BAZ2B: variants seen among roughly 807,000 people sequenced by gnomAD.
The protein encoded by BAZ2B is bromodomain adjacent to zinc finger domain protein 2B.
BAZ2B carries 91 observed loss-of-function variants against 246.0 expected under a neutral mutation model. The ratio of observed to expected loss-of-function variants is 0.37; its 90% CI spans 0.31 to 0.44. The LOEUF is 0.44. Among genes scored for constraint, BAZ2B ranks in the 20% least tolerant of loss-of-function variants. The pLI is 1.00. For synonymous variants in BAZ2B, 855 were observed against 860.0 expected, an observed-to-expected ratio of 0.99 and a Z score of 0.10; for missense variants, 2,332 against 2,533.7, an observed-to-expected ratio of 0.92 and a Z score of 1.71.
rs2061144910 is a variant in BAZ2B at position 159,374,071 on chromosome 2, T to C, written c.4068+620A>G. The stretch of plus-strand genomic sequence containing the variant: ...ATGAAATTCAGTTTTTCTTAGTTTT[T>C]TTTTCTTTTTTTTTTTTTTTTAGAG... On this transcript the variant is annotated intron_variant, in intron 26 of 36. Transcript: ENST00000392783. 2.7e-5 allele frequency among the ~76,000 whole-genome samples: 3 copies of C among 109,894 alleles called. No homozygotes were observed. In the South Asian group the frequency reaches 9.5e-4, roughly 35 times the overall value. The allele number at this position is 109,894 out of a possible 152,430, so 72.1% of individuals were successfully genotyped here.
chr2:159,407,401 G>A (rs1262091611), intron 14 of BAZ2B, among the ~76,000 whole-genome samples: 3 of 152,122 alleles, frequency 2.0e-5, no homozygotes, highest in Non-Finnish European at 4.4e-5. Context: ...GATCCCGGGA[G>A]GAAGAGGTTG....
chr2:159,576,699 G>A (rs1480018730), intron 1 of BAZ2B, among the ~76,000 whole-genome samples: 1 of 139,616 alleles, frequency 7.2e-6, no homozygotes, highest in Non-Finnish European at 1.6e-5. Flanking sequence ...GGATCACGAG[G>A]TCGGGAGTTC....
chr2:159,703,836 G>A, the BAZ2B span, among the ~76,000 whole-genome samples: 1 of 152,122 alleles, frequency 6.6e-6, no homozygotes, highest in African/African-American at 2.4e-5. Flanking sequence ...CTGTACTCCA[G>A]CCTGGTCAAC....
intron 2 of BAZ2B, among the ~76,000 whole-genome samples, chr2:159,529,398 CT>C (rs1306821320): frequency 6.6e-6 from 1 of 151,988 alleles, no homozygotes; most frequent in Non-Finnish European, 1.5e-5. Context: ...TGCTCACCAA[CT>C]CTAGCCATCC....
rs928541221 is a variant in BAZ2B, at chr2:159,382,413, T to C, written c.4005+146A>G. On this transcript the variant is annotated intron_variant, in intron 25 of 36. Transcript: ENST00000392783. Reference sequence around the variant, plus strand: ...ACAAAAATCTTTATGGGATACAGATTGTAATATTTGTTTTTCAGATGAGGA... The same window carrying C: ...ACAAAAATCTTTATGGGATACAGATCGTAATATTTGTTTTTCAGATGAGGA... The C allele has an allele frequency of 5.9e-6, 5 of 844,168 alleles. No individual in the cohort carries two copies. The African/African-American group carries it at 6.9e-5, about 12-fold the overall frequency. 52.3% of individuals were successfully genotyped at this position (844,168 alleles called of 1,614,324 possible).
the BAZ2B span, among the ~76,000 whole-genome samples, chr2:159,690,680 A>G: frequency 6.6e-6 from 1 of 152,144 alleles, no homozygotes; most frequent in Non-Finnish European, 1.5e-5. Flanking sequence ...TGTGTGCCAA[A>G]AAGTTCCTAT....
intron 27 of BAZ2B, among the ~76,000 whole-genome samples, chr2:159,363,885 C>A (rs761525289): frequency 1.3e-5 from 2 of 151,976 alleles, no homozygotes; most frequent in African/African-American, 4.8e-5. Context: ...CTGGGGAGGA[C>A]GAGGGCTATT....
At chr2:159,596,279 C>T (rs182178540) in intron 1 of BAZ2B, among the ~76,000 whole-genome samples, 83 of 152,158 alleles carry the variant, frequency 5.5e-4, no homozygotes, top group African/African-American at 1.5e-3. Flanking sequence ...CTATTTTAAG[C>T]GCTTATTTAC....
intron 3 of BAZ2B, among the ~76,000 whole-genome samples, chr2:159,465,875 C>G (rs1251691379): frequency 6.6e-6 from 1 of 151,576 alleles, no homozygotes; most frequent in African/African-American, 2.4e-5. Context: ...GATTGCACCA[C>G]TGCACTCCAG....
chr2:159,580,068 G>T (rs10165041), intron 1 of BAZ2B, among the ~76,000 whole-genome samples: 3 of 152,054 alleles, frequency 2.0e-5, no homozygotes, highest in South Asian at 2.1e-4. Flanking sequence ...GTTCTGGCCA[G>T]GGCAATCAGG....
chr2:159,397,348 A>T lies in BAZ2B; in HGVS notation c.3006T>A (p.His1002Gln). The change falls in exon 19 of 37, where the codon CAT (histidine) becomes CAA (glutamine). Residue 1002 changes from histidine to glutamine, a missense_variant. Physicochemically the swap from His to Gln is conservative, Grantham distance 24 (BLOSUM62 0). Transcript: ENST00000392783. ...MRRQQAVLLK[H>Q]QERERRRQHM... Reference sequence around the variant, plus strand: ...GTATAACTATACATATACAGACCTGATGTTTCAGAAGAACAGCTTGTTGTC... The same window carrying T: ...GTATAACTATACATATACAGACCTGTTGTTTCAGAAGAACAGCTTGTTGTC... 2 of 1,548,038 alleles carry T rather than the reference A, an allele frequency of 1.3e-6. No individual in the cohort carries two copies. The highest frequency in any genetic ancestry group is 1.8e-6 in the Non-Finnish European group (2 of 1,134,368).
the BAZ2B span, among the ~76,000 whole-genome samples, chr2:159,682,613 C>T: frequency 3.3e-5 from 5 of 152,192 alleles, no homozygotes; most frequent in Admixed American, 3.3e-4. Flanking sequence ...AGATACTGTG[C>T]ACAGAAGCTC....
the BAZ2B span, among the ~76,000 whole-genome samples, chr2:159,688,007 T>C: frequency 1.3e-5 from 2 of 152,214 alleles, no homozygotes; most frequent in Non-Finnish European, 2.9e-5. Context: ...CTTTTACATA[T>C]CTTAAATTAT....
At chr2:159,520,922 C>A (rs1376946868) in intron 2 of BAZ2B, among the ~76,000 whole-genome samples, 1 of 152,108 alleles carries the variant, frequency 6.6e-6, no homozygotes, top group Non-Finnish European at 1.5e-5. Flanking sequence ...AAGCTTATTA[C>A]TTTATTACCA....
the BAZ2B span, among the ~76,000 whole-genome samples, chr2:159,699,304 A>G: frequency 6.6e-6 from 1 of 152,166 alleles, no homozygotes; most frequent in Admixed American, 6.6e-5. Flanking sequence ...ACACTTAGGG[A>G]GGCCAAGATG....
upstream of BAZ2B, chr2:159,617,135 G>A (rs1696180899): frequency 6.6e-6 from 1 of 152,072 alleles, no homozygotes; most frequent in Non-Finnish European, 1.5e-5. Flanking sequence ...AATCTCGATA[G>A]CTTTTTTTCA....
chr2:159,347,546 A>C lies in BAZ2B; in HGVS notation c.5394T>G (p.Ser1798Arg), dbSNP rs748714676. The C allele has an allele frequency of 6.2e-7, 1 of 1,613,872 alleles. No homozygotes were observed. The highest frequency in any genetic ancestry group is 1.7e-5 in the Admixed American group (1 of 60,024). ...VEEQAMEMDL[S>R]VLQQVEDLER... The stretch of plus-strand genomic sequence containing the variant: ...CTAGATCTTCTACCTGTTGAAGGAC[A>C]CTCAAATCCATTTCCATTGCTTGTT... Residue 1798 changes from serine to arginine, a missense_variant, in exon 31 of 37, where the codon AGT becomes AGG. Ser to Arg is a moderately radical substitution (Grantham distance 110, BLOSUM62 -1). This residue lies in a region of BAZ2B where 676 missense variants were observed against 668.6 expected (regional missense o/e 1.01). Coordinates refer to ENST00000392783, the MANE Select transcript of BAZ2B (RefSeq NM_013450.4).
chr2:159,693,994 G>A, the BAZ2B span: 1 of 152,114 alleles, frequency 6.6e-6, no homozygotes, highest in Non-Finnish European at 1.5e-5. Context: ...CAAGTGTTGT[G>A]TCTCCCTCCC....
intron 2 of BAZ2B, among the ~76,000 whole-genome samples, chr2:159,513,453 C>T (rs1399415961): frequency 6.6e-6 from 1 of 152,126 alleles, no homozygotes; most frequent in African/African-American, 2.4e-5. Flanking sequence ...CTCACATCTC[C>T]ACTTGCATAT....
Sources: gnomAD v4.1 joint callset for allele counts (sites outside exome capture counted in the v4.1 genomes callset) on GRCh38, gnomAD v4.1.1 for gene constraint, gnomAD v4.1.1 regional missense constraint, MANE v1.5 for transcripts, NCBI Gene and HGNC (gene_info 2026-07-23, HGNC 2026-07-21) for gene names.